EEA1: variants seen among roughly 807,000 people sequenced by gnomAD.
The protein encoded by EEA1 is early endosome antigen 1.
A neutral mutation model predicts 209.2 loss-of-function variants in EEA1; 111 were observed. The observed-to-expected ratio is 0.53, with a 90% CI of 0.45 to 0.62. The LOEUF (loss-of-function observed/expected upper bound fraction) is 0.62. Among genes scored for constraint, EEA1 ranks in the 20% least tolerant of loss-of-function variants. EEA1 has a pLI of 0.00. For synonymous variants in EEA1, 536 were observed against 540.6 expected (o/e 0.99, Z 0.12); for missense variants, 1,343 against 1,530.8 (o/e 0.88, Z 2.05).
intron 2 of EEA1, among the ~76,000 whole-genome samples, chr12:92,875,192 C>T (rs1878828886): frequency 6.6e-6 from 1 of 152,116 alleles, no homozygotes; most frequent in South Asian, 2.1e-4. Context: ...TGGCTCATGC[C>T]TATAATCCTA....
chr12:92,895,053 C>T (rs9669326), intron 1 of EEA1, among the ~76,000 whole-genome samples: 1 of 151,532 alleles, frequency 6.6e-6, no homozygotes, highest in Non-Finnish European at 1.5e-5. Context: ...TTAAGAATTA[C>T]GCTAATGCTA....
intron 1 of EEA1, among the ~76,000 whole-genome samples, chr12:92,915,582 C>T (rs1880735993): frequency 1.3e-5 from 2 of 152,214 alleles, no homozygotes. Flanking sequence ...GAATAGCTGG[C>T]TTGCCTGACA....
chr12:92,777,527 T>TA lies in EEA1; in HGVS notation c.4014+15_4014+16insT, dbSNP rs778760200. 6 of 1,603,384 alleles carry TA rather than the reference T, an allele frequency of 3.7e-6. No homozygotes were observed. In the East Asian group the frequency reaches 1.3e-4, roughly 36 times the overall value. ...TTCTAGACTAAAAAACTGCTTCATA[T>TA]CCATAGGTGACTGACCTGAAGTGAT... On this transcript the variant is annotated intron_variant, in intron 27 of 28. Transcript: ENST00000322349.
At chr12:92,836,752 T>C (rs1177215017) in intron 10 of EEA1, among the ~76,000 whole-genome samples, 1 of 152,208 alleles carries the variant, frequency 6.6e-6, no homozygotes, top group African/African-American at 2.4e-5. Context: ...TTTTACTGCC[T>C]AATTTACTAG....
At chr12:92,846,667 A>G (rs1032897214) in intron 9 of EEA1, among the ~76,000 whole-genome samples, 4 of 152,206 alleles carry the variant, frequency 2.6e-5, no homozygotes, top group Admixed American at 2.6e-4. Context: ...TCCATAAAAC[A>G]GCCAATTATC....
chr12:92,818,488 A>C (rs1651978283), intron 14 of EEA1, among the ~76,000 whole-genome samples: 1 of 152,152 alleles, frequency 6.6e-6, no homozygotes, highest in Non-Finnish European at 1.5e-5. Context: ...GATTTATTTT[A>C]ATTTATTCTT....
chr12:92,834,399 G>A (rs1049843735), intron 10 of EEA1, among the ~76,000 whole-genome samples: 1 of 151,694 alleles, frequency 6.6e-6, no homozygotes, highest in Non-Finnish European at 1.5e-5. Context: ...AAACAAATTA[G>A]CCAGGCATGG....
At chr12:92,919,070 C>T (rs1422907442) in intron 1 of EEA1, among the ~76,000 whole-genome samples, 1 of 149,094 alleles carries the variant, frequency 6.7e-6, no homozygotes, top group Non-Finnish European at 1.5e-5. Flanking sequence ...TCTGAATAGA[C>T]CAATAACAGG....
chr12:92,914,961 G>A (rs193243022), intron 1 of EEA1, among the ~76,000 whole-genome samples: 236 of 152,202 alleles, frequency 1.6e-3, no homozygotes, highest in African/African-American at 5.2e-3. Context: ...ACCGCACCTG[G>A]CCAAGCTTTG....
chr12:92,924,172 C>A (rs1480891886), intron 1 of EEA1, among the ~76,000 whole-genome samples: 1 of 150,698 alleles, frequency 6.6e-6, no homozygotes, highest in Non-Finnish European at 1.5e-5. Flanking sequence ...CAACAAAACA[C>A]CAACATTAGC....
At chr12:92,815,614 T>G (rs1313083979) in intron 15 of EEA1, among the ~76,000 whole-genome samples, 2 of 152,086 alleles carry the variant, frequency 1.3e-5, no homozygotes, top group African/African-American at 2.4e-5. Flanking sequence ...ATAGTAAGAA[T>G]GGAGAAAAAA....
chr12:92,879,445 T>C (rs992041194), intron 2 of EEA1: 2 of 382,280 alleles, frequency 5.2e-6, no homozygotes, highest in Non-Finnish European at 5.1e-6. Flanking sequence ...CAAAAATCAA[T>C]GTAAATCTTC....
intron 21 of EEA1, among the ~76,000 whole-genome samples, chr12:92,789,631 G>T (rs1874306427): frequency 6.6e-6 from 1 of 152,138 alleles, no homozygotes; most frequent in South Asian, 2.1e-4. Context: ...GCTCGAACTG[G>T]GTGGAGCCCA....
rs772593153 is a variant in EEA1, at chr12:92,898,731, C to CTT, written c.25-7012_25-7011dup. Among the ~76,000 whole-genome samples, 110 of 76,122 alleles carry CTT rather than the reference C, an allele frequency of 1.4e-3. 1 individual carries two copies. Among genetic ancestry groups the CTT allele is most frequent in the East Asian group, 2.3e-3 (8 of 3,554 alleles). 49.9% of individuals were successfully genotyped at this position (76,122 alleles called of 152,430 possible). A position where few individuals can be genotyped will look rare whatever the true frequency, so the allele number is the denominator to read the frequency against. ...CTTCTTTTTTTTTTCCTTTTTTTCCCTTTTTTTTTTTTTTTTTTTTTTTTT... is the reference window on the plus strand; with the variant it reads ...CTTCTTTTTTTTTTCCTTTTTTTCCCTTTTTTTTTTTTTTTTTTTTTTTTTTT... On this transcript the variant is annotated intron_variant, in intron 1 of 28. Transcript: ENST00000322349.
chr12:92,875,944 G>T (rs1268368122), intron 2 of EEA1, among the ~76,000 whole-genome samples: 1 of 151,838 alleles, frequency 6.6e-6, no homozygotes, highest in African/African-American at 2.4e-5. Flanking sequence ...AGTTCTTTTT[G>T]TGTTATCCCC....
intron 24 of EEA1, 60 bp downstream of exon 24, chr12:92,780,220 T>C (rs1486206908): frequency 2.0e-6 from 3 of 1,491,610 alleles, no homozygotes; most frequent in East Asian, 2.4e-5. Flanking sequence ...TATGGGTATA[T>C]ATATTTCTTT....
chr12:92,790,184 G>A (rs980036819), intron 21 of EEA1, among the ~76,000 whole-genome samples: 1 of 152,200 alleles, frequency 6.6e-6, no homozygotes, highest in Non-Finnish European at 1.5e-5. Flanking sequence ...AGAAACCAGA[G>A]CAGAAAAGCT....
At chr12:92,826,721 AAAAAAAAAAAG>A in intron 12 of EEA1, among the ~76,000 whole-genome samples, 1 of 146,890 alleles carries the variant, frequency 6.8e-6, no homozygotes, top group Non-Finnish European at 1.5e-5. Flanking sequence ...TCTCAAAAAA[AAAAAAAAAAAG>A]AAAAGAAAAA....
chr12:92,826,126 A>G (rs762926257), intron 13 of EEA1, 40 bp downstream of exon 13: 9 of 1,599,948 alleles, frequency 5.6e-6, no homozygotes, highest in Admixed American at 1.7e-5. Context: ...AATGGTAATT[A>G]ATTTGTGTTT....
Sources: allele counts gnomAD v4.1 joint callset (sites outside exome capture counted in the v4.1 genomes callset), GRCh38; gene constraint gnomAD v4.1.1; transcripts MANE v1.5; gene names NCBI Gene and HGNC (gene_info 2026-07-23, HGNC 2026-07-21).